Variants in KANK1 observed in about 807,000 individuals in gnomAD.
KANK1 encodes KN motif and ankyrin repeat domains 1.
A neutral mutation model predicts 106.2 loss-of-function variants in KANK1; 109 were observed. The observed-to-expected ratio is 1.03, with a 90% confidence interval of 0.88 to 1.20. The LOEUF is 1.20. Among genes scored for constraint, KANK1 ranks in the 50% most tolerant of loss-of-function variants. The pLI is 0.00. For synonymous variants in KANK1, 873 were observed against 652.2 expected (o/e 1.34, Z -5.16); for missense variants, 2,399 against 1,710.7 (o/e 1.40, Z -7.10).
intron 6 of KANK1, chr9:734,155 T>C (rs889722494): frequency 4.3e-5 from 4 of 91,994 alleles, no homozygotes; most frequent in Admixed American, 1.1e-4. Context: ...CAAAAAAAAA[T>C]CTCTAAATGT....
At chr9:476,366 C>T (rs1286937584) in intron 3 of KANK1, among the ~76,000 whole-genome samples, 2 of 151,978 alleles carry the variant, frequency 1.3e-5, no homozygotes, top group Admixed American at 6.6e-5. Context: ...ACTAAAAATA[C>T]AAACATTAGC....
At chr9:587,319 G>C (rs971211957) in intron 1 of KANK1, among the ~76,000 whole-genome samples, 2 of 152,058 alleles carry the variant, frequency 1.3e-5, no homozygotes, top group Non-Finnish European at 2.9e-5. Context: ...TGAAATATGA[G>C]CAAGCTGTTT....
At chr9:654,357 G>C (rs756009140) in intron 1 of KANK1, among the ~76,000 whole-genome samples, 2 of 152,162 alleles carry the variant, frequency 1.3e-5, no homozygotes, top group Non-Finnish European at 2.9e-5. Context: ...GAGAATGTTT[G>C]TTAGAAATGT....
chr9:631,878 C>G (rs1040641736), intron 1 of KANK1, among the ~76,000 whole-genome samples: 1 of 152,206 alleles, frequency 6.6e-6, no homozygotes, highest in Non-Finnish European at 1.5e-5. Context: ...CCTCAGATAA[C>G]CCTTCTTCAC....
At chr9:665,231 A>T (rs1844297744) in intron 1 of KANK1, among the ~76,000 whole-genome samples, 1 of 152,182 alleles carries the variant, frequency 6.6e-6, no homozygotes, top group South Asian at 2.1e-4. Flanking sequence ...TTAAACAAAA[A>T]ATTTTTGCCC....
At chr9:571,872 T>C (rs1819266882) in intron 1 of KANK1, among the ~76,000 whole-genome samples, 1 of 152,228 alleles carries the variant, frequency 6.6e-6, no homozygotes, top group Non-Finnish European at 1.5e-5. Context: ...ATGTATTTGG[T>C]AAGGACTCTG....
chr9:730,439 C>T, intron 4 of KANK1, 191 bp downstream of exon 4: 1 of 624,196 alleles, frequency 1.6e-6, no homozygotes, highest in Non-Finnish European at 2.7e-6. Context: ...CACCTGTGAT[C>T]CCAGCACTTT....
chr9:604,957 A>G (rs1013323796), intron 1 of KANK1, among the ~76,000 whole-genome samples: 1 of 151,898 alleles, frequency 6.6e-6, no homozygotes, highest in African/African-American at 2.4e-5. Flanking sequence ...AAAATGGACT[A>G]ATGCAATTGG....
chr9:651,541 T>C (rs1456586702), intron 1 of KANK1, among the ~76,000 whole-genome samples: 1 of 152,198 alleles, frequency 6.6e-6, no homozygotes, highest in Non-Finnish European at 1.5e-5. Flanking sequence ...GTTGAAAGGA[T>C]AAAGGAATGC....
chr9:702,727 G>GC (rs1822999161), intron 2 of KANK1, among the ~76,000 whole-genome samples: 1 of 152,082 alleles, frequency 6.6e-6, no homozygotes, highest in South Asian at 2.1e-4. Flanking sequence ...ATGCCTTTTA[G>GC]CCCCTAGTTT....
intron 2 of KANK1, among the ~76,000 whole-genome samples, chr9:472,303 G>A (rs906636229): frequency 2.0e-5 from 3 of 152,174 alleles, no homozygotes; most frequent in African/African-American, 7.2e-5. Flanking sequence ...CAGACTCTGA[G>A]TTTCTAACTC....
intron 3 of KANK1, among the ~76,000 whole-genome samples, chr9:715,301 T>C (rs1171746994): frequency 6.6e-6 from 1 of 152,224 alleles, no homozygotes; most frequent in Non-Finnish European, 1.5e-5. Context: ...CCATGTCTGC[T>C]TTGACATCCT....
chr9:676,337 T>C (rs1033139850), intron 1 of KANK1, among the ~76,000 whole-genome samples: 2 of 152,146 alleles, frequency 1.3e-5, no homozygotes, highest in East Asian at 3.9e-4. Context: ...GAATTTTTGT[T>C]TAAGAGGAGG....
intron 1 of KANK1, among the ~76,000 whole-genome samples, chr9:542,522 A>G (rs1263856722): frequency 6.6e-6 from 1 of 152,224 alleles, no homozygotes; most frequent in Admixed American, 6.5e-5. Context: ...GAAAATAAAA[A>G]CTGAACTTCC....
chr9:735,156 A>G (rs1343377158), intron 7 of KANK1, among the ~76,000 whole-genome samples: 9 of 152,214 alleles, frequency 5.9e-5, no homozygotes, highest in African/African-American at 1.2e-4. Flanking sequence ...TTTCATTTCT[A>G]TTTATAGAAC....
At chr9:591,168 T>G (rs1357992923) in intron 1 of KANK1, among the ~76,000 whole-genome samples, 1 of 151,934 alleles carries the variant, frequency 6.6e-6, no homozygotes, top group South Asian at 2.1e-4. Flanking sequence ...ATTTTAAAGA[T>G]TTAAAATTTT....
chr9:703,513 C>T (rs1823221791), intron 2 of KANK1, among the ~76,000 whole-genome samples: 1 of 152,014 alleles, frequency 6.6e-6, no homozygotes, highest in South Asian at 2.1e-4. Context: ...ACTGGATTTC[C>T]AGACATTCAA....
intron 2 of KANK1, among the ~76,000 whole-genome samples, chr9:702,914 C>T (rs1309679111): frequency 2.0e-5 from 3 of 152,112 alleles, no homozygotes; most frequent in Middle Eastern, 3.2e-3. Context: ...CTCGTTAACT[C>T]GGTTCTGTTT....
Position 712,882 on chromosome 9 carries a change from C to T in KANK1, c.2116C>T (p.Gln706Ter). The T allele has an allele frequency of 6.2e-7, 1 of 1,613,928 alleles. No homozygotes were observed. Among genetic ancestry groups the T allele is most frequent in the Non-Finnish European group, 8.5e-7 (1 of 1,179,990 alleles). Residue 706 changes from glutamine to a stop codon, truncating the protein, a stop_gained, in exon 3 of 12, where the codon CAG becomes TAG. Coordinates refer to ENST00000382297, the MANE Select transcript of KANK1 (RefSeq NM_015158.5). LOFTEE classifies it high-confidence loss of function. ...TNTCLSTLDK[Q>*]TSTQTVETRT... ...CACTTGTCTAAGCACTTTGGACAAG[C>T]AGACCAGCACCCAGACTGTGGAGAC...
Sources: allele counts gnomAD v4.1 joint callset (sites outside exome capture counted in the v4.1 genomes callset), GRCh38; gene constraint gnomAD v4.1.1; transcripts MANE v1.5; gene names NCBI Gene and HGNC (gene_info 2026-07-23, HGNC 2026-07-21).